BMPR1B: variants seen among roughly 807,000 people sequenced by gnomAD.
BMPR1B encodes the protein bone morphogenetic protein receptor type 1B.
BMPR1B carries 12 observed loss-of-function variants against 59.1 expected under a neutral mutation model. The ratio of observed to expected loss-of-function variants is 0.20; its 90% CI spans 0.13 to 0.33. BMPR1B has a LOEUF of 0.33. Among genes scored for constraint, BMPR1B ranks in the 10% least tolerant of loss-of-function variants. The probability of loss-of-function intolerance (pLI) is 1.00; values close to 1 mark genes in which losing one functional copy is unlikely to be tolerated. For missense variants in BMPR1B, 550 were observed against 610.9 expected (o/e 0.90, Z 1.05); for synonymous variants, 237 against 207.3 (o/e 1.14, Z -1.23).
At chr4:94,947,374 G>A (rs1373651) in intron 2 of BMPR1B, among the ~76,000 whole-genome samples, 84,528 of 152,014 alleles carry the variant, frequency 0.56, 24,413 homozygotes, top group African/African-American at 0.7. Context: ...AAGAAACTGG[G>A]TAAAGCGAAA....
At chr4:95,095,449 A>G (rs1049402186) in intron 3 of BMPR1B, among the ~76,000 whole-genome samples, 1 of 152,112 alleles carries the variant, frequency 6.6e-6, no homozygotes, top group African/African-American at 2.4e-5. Flanking sequence ...TAGCCAGTTC[A>G]GTACTTTAAA....
intron 1 of BMPR1B, among the ~76,000 whole-genome samples, chr4:94,849,401 T>C (rs1173319856): frequency 2.0e-5 from 3 of 151,906 alleles, no homozygotes; most frequent in African/African-American, 7.3e-5. Context: ...TCAGTAGAGG[T>C]CAAGGCGGGG....
At chr4:95,002,750 G>T (rs528030533) in intron 3 of BMPR1B, among the ~76,000 whole-genome samples, 6 of 152,014 alleles carry the variant, frequency 3.9e-5, no homozygotes, top group Admixed American at 6.6e-5. Flanking sequence ...GATAATTTTC[G>T]ATTGGATTAA....
chr4:94,949,358 G>T (rs1188469269), intron 2 of BMPR1B, among the ~76,000 whole-genome samples: 1 of 60,378 alleles, frequency 1.7e-5, no homozygotes, highest in East Asian at 2.6e-4. Context: ...CGCCCAGGCC[G>T]GACTGCGGAC....
intron 3 of BMPR1B, among the ~76,000 whole-genome samples, chr4:95,015,120 C>T (rs1723496710): frequency 3.3e-5 from 5 of 152,150 alleles, no homozygotes; most frequent in Admixed American, 1.3e-4. Context: ...GGTTTAGAAG[C>T]AGAGGCAGGT....
intron 2 of BMPR1B, among the ~76,000 whole-genome samples, chr4:94,936,980 C>T (rs1729330827): frequency 6.6e-6 from 1 of 152,134 alleles, no homozygotes; most frequent in Non-Finnish European, 1.5e-5. Flanking sequence ...ACTGTCTCTG[C>T]AGTGACCCCC....
chr4:94,926,220 G>A (rs1728886570), intron 2 of BMPR1B, among the ~76,000 whole-genome samples: 2 of 151,566 alleles, frequency 1.3e-5, no homozygotes, highest in South Asian at 2.1e-4. Context: ...ATGAAAAATA[G>A]GTATGCTCTT....
chr4:94,916,984 C>T (rs1728507181), intron 2 of BMPR1B, among the ~76,000 whole-genome samples: 1 of 152,198 alleles, frequency 6.6e-6, no homozygotes, highest in Non-Finnish European at 1.5e-5. Flanking sequence ...TCAAAGGGGC[C>T]TAGGTATAGC....
At chr4:94,762,402 C>G (rs1334966551) in intron 1 of BMPR1B, among the ~76,000 whole-genome samples, 1 of 152,036 alleles carries the variant, frequency 6.6e-6, no homozygotes, top group Non-Finnish European at 1.5e-5. Context: ...ATGAGGTGGT[C>G]AAGGAAGGCC....
intron 3 of BMPR1B, among the ~76,000 whole-genome samples, chr4:95,094,431 G>C (rs1286019517): frequency 1.3e-5 from 2 of 151,862 alleles, no homozygotes; most frequent in Non-Finnish European, 2.9e-5. Flanking sequence ...AGATAATAGG[G>C]GAGAAAAGGA....
chr4:94,932,760 A>G (rs1729145067), intron 2 of BMPR1B, among the ~76,000 whole-genome samples: 1 of 152,196 alleles, frequency 6.6e-6, no homozygotes, highest in South Asian at 2.1e-4. Flanking sequence ...CAGTAATTTA[A>G]TAACAGGGAT....
At chr4:95,134,684 T>C (rs1054496122) in intron 10 of BMPR1B, among the ~76,000 whole-genome samples, 4 of 152,236 alleles carry the variant, frequency 2.6e-5, no homozygotes, top group African/African-American at 9.6e-5. Context: ...AAGTGTCTGT[T>C]CATATCCTTC....
intron 1 of BMPR1B, among the ~76,000 whole-genome samples, chr4:94,804,028 G>A (rs946170931): frequency 7.2e-5 from 11 of 151,870 alleles, no homozygotes; most frequent in African/African-American, 2.4e-4. Flanking sequence ...ACAGGCACCC[G>A]CCACCACGCC....
chr4:94,888,709 C>T (rs977797165), intron 2 of BMPR1B, among the ~76,000 whole-genome samples: 2 of 152,040 alleles, frequency 1.3e-5, no homozygotes. Flanking sequence ...TTTTTGCTTG[C>T]ACCCATAAAC....
chr4:95,085,823 A>C (rs754422366), intron 3 of BMPR1B, among the ~76,000 whole-genome samples: 1 of 152,128 alleles, frequency 6.6e-6, no homozygotes, highest in Non-Finnish European at 1.5e-5. Flanking sequence ...AGTGAAAAAT[A>C]TTTTGAAGTT....
At chr4:95,122,960 G>GT (rs749543938) in intron 6 of BMPR1B, among the ~76,000 whole-genome samples, 11 of 152,098 alleles carry the variant, frequency 7.2e-5, no homozygotes, top group Non-Finnish European at 8.8e-5. Context: ...AGTGCACCTG[G>GT]TTTTAAGTCA....
At chr4:95,013,118 GT>G (rs1396709821) in intron 3 of BMPR1B, among the ~76,000 whole-genome samples, 4 of 151,334 alleles carry the variant, frequency 2.6e-5, no homozygotes, top group Non-Finnish European at 5.9e-5. Flanking sequence ...AAAAAAAAAA[GT>G]TATGTGCCCT....
At chr4:94,924,144 G>A (rs535106531) in intron 2 of BMPR1B, among the ~76,000 whole-genome samples, 37 of 152,192 alleles carry the variant, frequency 2.4e-4, no homozygotes, top group South Asian at 1.7e-3. Flanking sequence ...GGCAACTATA[G>A]TTAGTTTTCT....
chr4:95,134,880 T>C (rs1733654527), intron 10 of BMPR1B, among the ~76,000 whole-genome samples: 1 of 152,238 alleles, frequency 6.6e-6, no homozygotes, highest in African/African-American at 2.4e-5. Context: ...ATCCCATTTG[T>C]CAATTTTGGC....
Sources: allele counts gnomAD v4.1 joint callset (sites outside exome capture counted in the v4.1 genomes callset), GRCh38; gene constraint gnomAD v4.1.1; transcripts MANE v1.5; gene names NCBI Gene and HGNC (gene_info 2026-07-23, HGNC 2026-07-21).